PTPN6: variants seen among roughly 807,000 people sequenced by gnomAD.
The protein encoded by PTPN6 is protein tyrosine phosphatase non-receptor type 6, also known as tyrosine-protein phosphatase non-receptor type 6.
In PTPN6, 18 loss-of-function variants were observed where a neutral mutation model predicts 81.5. The ratio of observed to expected loss-of-function variants is 0.22; its 90% CI spans 0.15 to 0.33. PTPN6 has a LOEUF of 0.33. PTPN6 is among the 10% of genes least tolerant of loss of function. The pLI, the probability that PTPN6 is intolerant of heterozygous loss-of-function variation, is 1.00. For missense variants in PTPN6, 500 were observed against 794.2 expected (o/e 0.63, Z 4.45); for synonymous variants, 301 against 310.9 (o/e 0.97, Z 0.33).
chr12:6,948,661 C>T (rs1002451261), upstream of PTPN6, among the ~76,000 whole-genome samples: 2 of 151,918 alleles, frequency 1.3e-5, no homozygotes, highest in Non-Finnish European at 2.9e-5. Context: ...TGACAACCGG[C>T]TGGGCATGGT....
rs377246131 is a variant in PTPN6, at chr12:6,954,862, C to T, written c.384C>T (p.Gly128=). 771 of 1,614,178 alleles carry T rather than the reference C, an allele frequency of 4.8e-4. 10 individuals carry two copies. The South Asian group carries it at 5.4e-3, about 11-fold the overall frequency. The change falls in exon 4 of 16, where the codon GGC becomes GGT. Residue 128 remains glycine (G), a synonymous_variant. Transcript: ENST00000318974. This position sits in a 1 kb window ranked among gnomAD's most constrained non-coding sequence, Gnocchi z 5.4. ...GQAETLLQAK[G]EPWTFLVRES... is the part of the protein sequence containing the mutation. ...CAGAGACGCTGCTGCAGGCCAAGGG[C>T]GAGCCCTGGACGTTTCTTGTGCGTG...
Position 6,956,035 on chromosome 12 carries a change from A to C in PTPN6, c.845-107A>C. On this transcript the variant is annotated intron_variant, in intron 7 of 15. Coordinates refer to ENST00000318974, the MANE Select transcript of PTPN6 (RefSeq NM_002831.6). The surrounding 1 kb of genome is among the most constrained non-coding windows in gnomAD (Gnocchi z 4.1). ...CTGCCCACAGTCCCCCGCAAGCCTC[A>C]TGGCTTCTGAGACCAGAATGGCCTG... 1 of 1,165,714 alleles carries C rather than the reference A, an allele frequency of 8.6e-7. No homozygotes were observed. The highest frequency in any genetic ancestry group is 1.3e-6 in the Non-Finnish European group (1 of 783,662). 72.2% of individuals were successfully genotyped at this position (1,165,714 alleles called of 1,614,324 possible). A position where few individuals can be genotyped will look rare whatever the true frequency, so the allele number is the denominator to read the frequency against.
chr12:6,958,727 T>C (rs1946077476), intron 11 of PTPN6, among the ~76,000 whole-genome samples: 1 of 152,142 alleles, frequency 6.6e-6, no homozygotes, highest in Admixed American at 6.5e-5. Context: ...GAGCAGGGGT[T>C]CCACAGGTGA....
Position 6,951,749 on chromosome 12 carries a change from A to G in PTPN6, c.131+18A>G. 1 of 1,609,516 alleles carries G rather than the reference A, an allele frequency of 6.2e-7. No individual in the cohort carries two copies. The highest frequency in any genetic ancestry group is 1.7e-4 in the Middle Eastern group (1 of 5,784). The stretch of plus-strand genomic sequence containing the variant: ...TCCGTCAGGTAGGTGGGCCCCCCGC[A>G]ACCCCGGGCATTTTGGCCACTCTCT... On this transcript the variant is annotated intron_variant, in intron 2 of 15. Transcript: ENST00000318974. The surrounding 1 kb of genome is among the most constrained non-coding windows in gnomAD (Gnocchi z 7.2).
chr12:6,948,323 T>C (rs782030739), upstream of PTPN6, among the ~76,000 whole-genome samples: 18 of 151,226 alleles, frequency 1.2e-4, 1 homozygote, highest in South Asian at 3.6e-3. Context: ...GTGGTCTCAG[T>C]TACTTGGAAG....
upstream of PTPN6, chr12:6,951,247 G>A: frequency 7.0e-7 from 1 of 1,434,426 alleles, no homozygotes; most frequent in Non-Finnish European, 9.1e-7. The surrounding 1 kb of genome is among the most constrained non-coding windows in gnomAD (Gnocchi z 7.2). Context: ...GTGCCACCCT[G>A]CTCTGCTTCT....
Position 6,955,796 on chromosome 12 carries a change from C to T in PTPN6, c.844+40C>T, listed in dbSNP as rs1555148559. On this transcript the variant is annotated intron_variant, in intron 7 of 15. Coordinates refer to ENST00000318974, the MANE Select transcript of PTPN6 (RefSeq NM_002831.6). The surrounding 1 kb of genome is among the most constrained non-coding windows in gnomAD (Gnocchi z 7.2). Reference sequence around the variant, plus strand: ...TGCCCCATTCACCCAGGATACCGCCCCTGCCCCAGCTGCCTCCCCTCATCT... The same window carrying T: ...TGCCCCATTCACCCAGGATACCGCCTCTGCCCCAGCTGCCTCCCCTCATCT... 1 of 1,568,884 alleles carries T rather than the reference C, an allele frequency of 6.4e-7. No homozygotes were observed. The highest frequency in any genetic ancestry group is 1.1e-5 in the South Asian group (1 of 90,088).
rs202230542 is a variant in PTPN6, at chr12:6,954,913, C to T, written c.435C>T (p.Phe145=). 5.8e-5 allele frequency: 93 copies of T among 1,614,212 alleles called. No individual in the cohort carries two copies. In the South Asian group the frequency reaches 7.0e-4, roughly 12 times the overall value. The change falls in exon 4 of 16, where the codon TTC becomes TTT. Residue 145 remains phenylalanine, a synonymous_variant. Coordinates refer to ENST00000318974, the MANE Select transcript of PTPN6 (RefSeq NM_002831.6). This position sits in a 1 kb window ranked among gnomAD's most constrained non-coding sequence, Gnocchi z 5.4. ...AGAGCCTCAGCCAGCCTGGAGACTT[C>T]GTGCTTTCTGTGCTCAGTGACCAGC... The part of the protein sequence containing the change: ...VRESLSQPGD[F]VLSVLSDQPK...
chr12:6,951,101 G>A (rs931643245), upstream of PTPN6, among the ~76,000 whole-genome samples: 25 of 152,184 alleles, frequency 1.6e-4, no homozygotes, highest in Non-Finnish European at 2.6e-4. This position sits in a 1 kb window ranked among gnomAD's most constrained non-coding sequence, Gnocchi z 7.2. Context: ...GTTCGCATGC[G>A]TGAAGTATTA....
rs1029214893 is a variant in PTPN6 at position 6,961,122 on chromosome 12, G to A, written c.*26-4G>A. 2.9e-6 allele frequency: 3 copies of A among 1,038,354 alleles called. No homozygotes were observed. The South Asian group carries it at 4.6e-5, about 16-fold the overall frequency. 64.3% of individuals were successfully genotyped at this position (1,038,354 alleles called of 1,614,324 possible). On this transcript the variant is annotated splice_region_variant and splice_polypyrimidine_tract_variant and intron_variant, in intron 15 of 15. Transcript: ENST00000318974. ...CTCACTCCCTCACTCCCTTCTCTTG[G>A]CAGCCTCAGCCCTGACCCTGTGGAA...
chr12:6,952,365 C>A lies in PTPN6; in HGVS notation c.326+188C>A. On this transcript the variant is annotated intron_variant, in intron 3 of 15. Transcript: ENST00000318974. The surrounding 1 kb of genome is among the most constrained non-coding windows in gnomAD (Gnocchi z 8.1). ...GGGACCTGGTGTCTCAGAGCCTAAC[C>A]TACCACCCTTTCCACCTAACCCCGA... 1 of 689,966 alleles carries A rather than the reference C, an allele frequency of 1.4e-6. No individual in the cohort carries two copies. The highest frequency in any genetic ancestry group is 1.8e-5 in the South Asian group (1 of 55,632). 42.7% of individuals were successfully genotyped at this position (689,966 alleles called of 1,614,324 possible).
Position 6,956,126 on chromosome 12 carries a change from C to T in PTPN6, c.845-16C>T. On this transcript the variant is annotated splice_polypyrimidine_tract_variant and intron_variant, in intron 7 of 15. Coordinates refer to ENST00000318974, the MANE Select transcript of PTPN6 (RefSeq NM_002831.6). This position sits in a 1 kb window ranked among gnomAD's most constrained non-coding sequence, Gnocchi z 4.1. The stretch of plus-strand genomic sequence containing the variant: ...GCTAACCCAGACCATCTCGCCTCCT[C>T]TCCGCCCACTCCCAGTTGACCACAG... 1 of 1,614,054 alleles carries T rather than the reference C, an allele frequency of 6.2e-7. No homozygotes were observed. The highest frequency in any genetic ancestry group is 8.5e-7 in the Non-Finnish European group (1 of 1,179,934).
At position 6,959,725 on chromosome 12, in the gene PTPN6, C is replaced by T. The variant is rs899385270; in HGVS notation, c.1362-202C>T. On this transcript the variant is annotated intron_variant, in intron 11 of 15. Transcript: ENST00000318974. The surrounding 1 kb of genome is among the most constrained non-coding windows in gnomAD (Gnocchi z 6.6). ...GCAGCTGGGGAGCCAGCGTCAGCAC[C>T]GCAGAGCCCGAGGTGGAGCGTGTCC... The T allele has an allele frequency of 3.2e-5, 20 of 629,676 alleles. No homozygotes were observed. Among genetic ancestry groups the T allele is most frequent in the East Asian group, 2.7e-5 (1 of 36,520 alleles). The allele number at this position is 629,676 out of a possible 1,614,324, so 39.0% of individuals were successfully genotyped here.
chr12:6,956,269 C>T lies in PTPN6; in HGVS notation c.924+48C>T. 1.9e-6 allele frequency: 3 copies of T among 1,610,822 alleles called. No homozygotes were observed. The South Asian group carries it at 3.3e-5, about 18-fold the overall frequency. On this transcript the variant is annotated intron_variant, in intron 8 of 15. Coordinates refer to ENST00000318974, the MANE Select transcript of PTPN6 (RefSeq NM_002831.6). The surrounding 1 kb of genome is among the most constrained non-coding windows in gnomAD (Gnocchi z 4.1). ...GAGGAGAGGCTGGGCCCTGGGAATT[C>T]CCTGTCTGGTGGGGGGACCCTAGAT...
Position 6,952,557 on chromosome 12 carries a change from T to C in PTPN6, c.326+380T>C. On this transcript the variant is annotated intron_variant, in intron 3 of 15. Coordinates refer to ENST00000318974, the MANE Select transcript of PTPN6 (RefSeq NM_002831.6). This position sits in a 1 kb window ranked among gnomAD's most constrained non-coding sequence, Gnocchi z 8.1. ...GGAATCGAGCCTGCCTTCCTCCGTCTGCCCCTCACCCCAGCACATGTTAGG... is the reference window on the plus strand; with the variant it reads ...GGAATCGAGCCTGCCTTCCTCCGTCCGCCCCTCACCCCAGCACATGTTAGG... The C allele has an allele frequency of 2.8e-6, 1 of 351,398 alleles. No homozygotes were observed. Among genetic ancestry groups the C allele is most frequent in the Non-Finnish European group, 5.5e-6 (1 of 181,692 alleles). 21.8% of individuals were successfully genotyped at this position (351,398 alleles called of 1,614,324 possible). A position where few individuals can be genotyped will look rare whatever the true frequency, so the allele number is the denominator to read the frequency against.
At position 6,955,199 on chromosome 12, in the gene PTPN6, G is replaced by A. The variant is rs1555148380; in HGVS notation, c.565G>A (p.Asp189Asn). 6.2e-7 allele frequency: 1 copy of A among 1,614,210 alleles called. No individual in the cohort carries two copies. The highest frequency in any genetic ancestry group is 8.5e-7 in the Non-Finnish European group (1 of 1,180,036). ...TTTGGAGACCTTCGACAGCCTCACG[G>A]ACCTGGTGGAGCATTTCAAGAAGAC... ...GGLETFDSLT[D>N]LVEHFKKTGI... Residue 189 changes from aspartate to asparagine, a missense_variant, in exon 5 of 16, where the codon GAC (aspartate) becomes AAC (asparagine). Physicochemically the swap from Asp to Asn is conservative, Grantham distance 23 (BLOSUM62 1). Transcript: ENST00000318974. This position sits in a 1 kb window ranked among gnomAD's most constrained non-coding sequence, Gnocchi z 7.2.
Position 6,952,108 on chromosome 12 carries a change from T to C in PTPN6, c.257T>C (p.Leu86Pro). The change falls in exon 3 of 16, where the codon CTG (leucine) becomes CCG (proline). Residue 86 changes from leucine (L) to proline (P), a missense_variant. Around this residue, in one of 6 missense-constraint regions of PTPN6, gnomAD observed 98 missense variants for 199.2 expected, o/e 0.49. Transcript: ENST00000318974. This position sits in a 1 kb window ranked among gnomAD's most constrained non-coding sequence, Gnocchi z 8.1. ...TACTACACTCAGCAGCAGGGTGTCC[T>C]GCAGGACCGCGACGGCACCATCATC... is the stretch of plus-strand genomic sequence containing the variant. ...VEYYTQQQGV[L>P]QDRDGTIIHL... 6.2e-7 allele frequency: 1 copy of C among 1,614,152 alleles called. No homozygotes were observed. The highest frequency in any genetic ancestry group is 8.5e-7 in the Non-Finnish European group (1 of 1,180,018).
chr12:6,946,695 T>C, upstream of PTPN6: 2 of 1,606,688 alleles, frequency 1.2e-6, no homozygotes, highest in Non-Finnish European at 8.5e-7. Context: ...CCTGCGGCCC[T>C]CTGCCGTGGC....
At chr12:6,947,124 C>T (rs375045942), upstream of PTPN6, among the ~76,000 whole-genome samples, 3 of 152,324 alleles carry the variant, frequency 2.0e-5, no homozygotes, top group African/African-American at 7.2e-5. Flanking sequence ...TCCGCACTTC[C>T]CAACATCAGA....
Sources: allele counts gnomAD v4.1 joint callset (sites outside exome capture counted in the v4.1 genomes callset), GRCh38; gene constraint gnomAD v4.1.1; regional missense constraint gnomAD v4.1.1; non-coding constraint Gnocchi (gnomAD v3.1); transcripts MANE v1.5; gene names NCBI Gene and HGNC (gene_info 2026-07-23, HGNC 2026-07-21).